Variants in DUSP15 observed in about 807,000 individuals in gnomAD.
The protein encoded by DUSP15 is dual specificity protein phosphatase 15.
DUSP15 carries 23 observed loss-of-function variants against 26.3 expected under a neutral mutation model. The observed-to-expected ratio is 0.87, with a 90% confidence interval of 0.63 to 1.24. The LOEUF (loss-of-function observed/expected upper bound fraction) is 1.24, where lower values mean the gene tolerates loss of function less well. DUSP15 is among the 50% of genes most tolerant of loss of function. DUSP15 has a pLI of 0.00. For synonymous variants in DUSP15, 143 were observed against 135.5 expected, an observed-to-expected ratio of 1.06 and a Z score of -0.39; for missense variants, 364 against 320.6, an observed-to-expected ratio of 1.14 and a Z score of -1.03.
At chr20:31,864,127 T>A (rs1445705447) in intron 4 of DUSP15, 146 bp from the exon 5 acceptor site, 25 of 1,460,928 alleles carry the variant, frequency 1.7e-5, no homozygotes, top group Non-Finnish European at 2.3e-5. Flanking sequence ...TATGGGCCAG[T>A]ACTTAGTATG....
At chr20:31,853,206 G>C (rs1057374615) in intron 6 of DUSP15, among the ~76,000 whole-genome samples, 12 of 151,568 alleles carry the variant, frequency 7.9e-5, no homozygotes, top group Admixed American at 7.2e-4. Flanking sequence ...CTGCTCTCAA[G>C]CCTAATGGGA....
Position 31,863,890 on chromosome 20 carries a change from C to T in DUSP15, c.263+17G>A, listed in dbSNP as rs763405440. ...ACTTCCTTCCTCCCCCACCTTATCC[C>T]CCTCCGCTTAACTCACCAGTGCACA... is the stretch of plus-strand genomic sequence containing the variant. On this transcript the variant is annotated intron_variant, in intron 5 of 6. Coordinates refer to ENST00000339738, the MANE Select transcript of DUSP15 (RefSeq NM_080611.5). The T allele has an allele frequency of 6.2e-7, 1 of 1,612,158 alleles. No individual in the cohort carries two copies. The highest frequency in any genetic ancestry group is 8.5e-7 in the Non-Finnish European group (1 of 1,178,544).
At position 31,870,255 on chromosome 20, in the gene DUSP15, C is replaced by A. The variant is rs867116313; in HGVS notation, c.21+62G>T. The A allele has an allele frequency of 8.0e-5, 98 of 1,225,396 alleles. No homozygotes were observed. In the African/African-American group the frequency reaches 1.2e-3, roughly 15 times the overall value. The allele number at this position is 1,225,396 out of a possible 1,614,324, so 75.9% of individuals were successfully genotyped here. On this transcript the variant is annotated intron_variant, in intron 1 of 6. Transcript: ENST00000339738. The surrounding 1 kb of genome is among the most constrained non-coding windows in gnomAD (Gnocchi z 6.6). ...TCAGAGGCGGGCGGACCGAGCTGGT[C>A]AGCGCCGGGCCGCGGCGGCCGGGGC...
chr20:31,850,019 G>A (rs1209680596), intron 7 of DUSP15: 5 of 918,072 alleles, frequency 5.4e-6, no homozygotes, highest in Non-Finnish European at 7.8e-6. Context: ...CCCTATCAGT[G>A]ATGATAAGAA....
At chr20:31,860,982 T>C, downstream of DUSP15, 1 of 1,005,460 alleles carries the variant, frequency 9.9e-7, no homozygotes, top group East Asian at 9.9e-5. Context: ...TCCCCTTTTC[T>C]GCAGGCTGCT....
intron 2 of DUSP15, 94 bp downstream of exon 2, chr20:31,869,470 A>G: frequency 1.3e-6 from 2 of 1,518,712 alleles, no homozygotes; most frequent in Non-Finnish European, 1.8e-6. Flanking sequence ...CCCCAACCCC[A>G]TTCCTGAGAT....
chr20:31,870,592 G>A (rs755209953), upstream of DUSP15: 1 of 1,408,820 alleles, frequency 7.1e-7, no homozygotes, highest in East Asian at 2.8e-5. The surrounding 1 kb of genome is among the most constrained non-coding windows in gnomAD (Gnocchi z 6.6). Flanking sequence ...GGTCATGTGG[G>A]GCCCCCGCCT....
At chr20:31,860,842 G>A (rs1044751537), downstream of DUSP15, among the ~76,000 whole-genome samples, 4 of 152,188 alleles carry the variant, frequency 2.6e-5, no homozygotes, top group East Asian at 1.9e-4. Flanking sequence ...TTGTCAGGCG[G>A]GACACCGTGG....
chr20:31,846,053 G>C (rs1316696371), downstream of DUSP15, among the ~76,000 whole-genome samples: 1 of 151,784 alleles, frequency 6.6e-6, no homozygotes, highest in Non-Finnish European at 1.5e-5. Context: ...CACTCACAGA[G>C]AGACACACAG....
chr20:31,865,843 A>AG (rs1347224671), intron 3 of DUSP15, among the ~76,000 whole-genome samples: 1 of 152,118 alleles, frequency 6.6e-6, no homozygotes, highest in Non-Finnish European at 1.5e-5. Flanking sequence ...TTGCTGATGG[A>AG]GGGGGGAAGG....
chr20:31,861,109 C>A lies in DUSP15; in HGVS notation c.*294G>T, dbSNP rs2062638458. The A allele has an allele frequency of 4.6e-6, 6 of 1,292,142 alleles. No homozygotes were observed. Among genetic ancestry groups the A allele is most frequent in the Non-Finnish European group, 5.9e-6 (6 of 1,023,644 alleles). The allele number at this position is 1,292,142 out of a possible 1,614,324, so 80.0% of individuals were successfully genotyped here. Reference sequence around the variant, plus strand: ...GTGTCTCTTTAATACCCTCCAGGCCCGTCAAACCCTCCACTCTCCCTCCCT... The same window carrying A: ...GTGTCTCTTTAATACCCTCCAGGCCAGTCAAACCCTCCACTCTCCCTCCCT... On this transcript the variant is annotated 3_prime_UTR_variant, in exon 7 of 7. Transcript: ENST00000339738.
At chr20:31,869,653 C>T in intron 1 of DUSP15, 56 bp from the exon 2 acceptor site, 1 of 1,603,570 alleles carries the variant, frequency 6.2e-7, no homozygotes, top group South Asian at 1.1e-5. Flanking sequence ...CCTTCCACCC[C>T]CAGGGCAGCT....
downstream of DUSP15, among the ~76,000 whole-genome samples, chr20:31,859,289 T>C (rs1340414020): frequency 9.8e-6 from 1 of 102,186 alleles, no homozygotes; most frequent in Non-Finnish European, 2.0e-5. Flanking sequence ...TTCATGTCTA[T>C]GCATTTTTTT....
chr20:31,854,675 G>C (rs1298240156), intron 6 of DUSP15, among the ~76,000 whole-genome samples: 1 of 152,190 alleles, frequency 6.6e-6, no homozygotes, highest in Non-Finnish European at 1.5e-5. Flanking sequence ...AAGAGCTTGA[G>C]CAAAGTCCTG....
chr20:31,870,167 C>A lies in DUSP15; in HGVS notation c.21+150G>T. The A allele has an allele frequency of 2.4e-6, 3 of 1,225,604 alleles. No individual in the cohort carries two copies. Among genetic ancestry groups the A allele is most frequent in the Non-Finnish European group, 3.1e-6 (3 of 983,462 alleles). The allele number at this position is 1,225,604 out of a possible 1,614,324, so 75.9% of individuals were successfully genotyped here. A position where few individuals can be genotyped will look rare whatever the true frequency, so the allele number is the denominator to read the frequency against. On this transcript the variant is annotated intron_variant, in intron 1 of 6. Transcript: ENST00000339738. This position sits in a 1 kb window ranked among gnomAD's most constrained non-coding sequence, Gnocchi z 6.6. ...GGTCAGAGAGGGGGAGACCCGACAG[C>A]CGCGGTCTCGAGTCACAGGGACACG...
At chr20:31,862,365 T>C (rs2062679018) in intron 6 of DUSP15, among the ~76,000 whole-genome samples, 1 of 152,146 alleles carries the variant, frequency 6.6e-6, no homozygotes, top group Admixed American at 6.5e-5. Context: ...TCTAAAGGCA[T>C]TCAAATTCTA....
downstream of DUSP15, among the ~76,000 whole-genome samples, chr20:31,857,965 T>C (rs1264142078): frequency 6.6e-6 from 1 of 152,146 alleles, no homozygotes; most frequent in African/African-American, 2.4e-5. Context: ...CGTGGCAGCC[T>C]TGGCTGATTG....
rs1361305351 is a variant in DUSP15, at chr20:31,867,051, G to T, written c.138+20C>A. The stretch of plus-strand genomic sequence containing the variant: ...CACCCTCCCACCCCCGCATAGCCCT[G>T]GGATGGGGGTAAGAAGTACCTGCAG... On this transcript the variant is annotated intron_variant, in intron 3 of 6. Transcript: ENST00000339738. 1 of 1,565,372 alleles carries T rather than the reference G, an allele frequency of 6.4e-7. No homozygotes were observed. Among genetic ancestry groups the T allele is most frequent in the East Asian group, 2.4e-5 (1 of 42,366 alleles).
At chr20:31,869,408 C>G (rs2062860398) in intron 2 of DUSP15, among the ~76,000 whole-genome samples, 156 bp downstream of exon 2, 1 of 152,232 alleles carries the variant, frequency 6.6e-6, no homozygotes, top group African/African-American at 2.4e-5. Flanking sequence ...CATGTGCACC[C>G]CTTGTCCTCC....
Sources: gnomAD v4.1 joint callset for allele counts (sites outside exome capture counted in the v4.1 genomes callset) on GRCh38, gnomAD v4.1.1 for gene constraint, Gnocchi (gnomAD v3.1) non-coding constraint, MANE v1.5 for transcripts, NCBI Gene and HGNC (gene_info 2026-07-23, HGNC 2026-07-21) for gene names.